Variants in EPS8L2 observed in about 807,000 individuals in gnomAD.
The protein encoded by EPS8L2 is EPS8 signaling adaptor L2.
In EPS8L2, 81 loss-of-function variants were observed where a neutral mutation model predicts 99.4. The ratio of observed to expected loss-of-function variants is 0.82; its 90% confidence interval spans 0.68 to 0.98. The LOEUF is 0.98. Ranked by LOEUF, EPS8L2 falls within the 50% of genes least tolerant of loss-of-function variation. The probability of loss-of-function intolerance (pLI) is 0.00; values close to 1 mark genes in which losing one functional copy is unlikely to be tolerated. For synonymous variants in EPS8L2, 509 were observed against 407.3 expected, an observed-to-expected ratio of 1.25 and a Z score of -3.01; for missense variants, 1,155 against 968.8, an observed-to-expected ratio of 1.19 and a Z score of -2.55.
chr11:711,617 T>C (rs1861892401), intron 4 of EPS8L2, among the ~76,000 whole-genome samples: 1 of 152,070 alleles, frequency 6.6e-6, no homozygotes, highest in African/African-American at 2.4e-5. Flanking sequence ...GGCCTGGTAG[T>C]GTGAGCTCGT....
intron 12 of EPS8L2, 47 bp from the exon 13 acceptor site, chr11:722,354 C>T: frequency 1.3e-6 from 2 of 1,598,612 alleles, no homozygotes; most frequent in Non-Finnish European, 8.5e-7. Flanking sequence ...GGGTGCTGGG[C>T]CAGGGTCTGT....
chr11:710,143 C>A lies in EPS8L2; in HGVS notation c.101-279C>A, dbSNP rs1449237881. ...CTTCCTGTCCCCTCACCCTCCGGGA[C>A]AGAAACCCCCCGGGCACAGGCTGCT... On this transcript the variant is annotated intron_variant, in intron 3 of 20. Coordinates refer to ENST00000318562, the MANE Select transcript of EPS8L2 (RefSeq NM_022772.4). 4.6e-5 allele frequency: 21 copies of A among 458,446 alleles called. No homozygotes were observed. In the East Asian group the frequency reaches 8.0e-4, roughly 17 times the overall value. 28.4% of individuals were successfully genotyped at this position (458,446 alleles called of 1,614,324 possible). A position where few individuals can be genotyped will look rare whatever the true frequency, so the allele number is the denominator to read the frequency against.
At chr11:715,084 T>C (rs1861986067) in intron 4 of EPS8L2, among the ~76,000 whole-genome samples, 1 of 151,956 alleles carries the variant, frequency 6.6e-6, no homozygotes, top group Non-Finnish European at 1.5e-5. Flanking sequence ...CTACTAAAAA[T>C]ACAAAAAATT....
rs1163965609 is a variant in EPS8L2, at chr11:709,778, A to G, written c.100+170A>G. 27 of 679,152 alleles carry G rather than the reference A, an allele frequency of 4.0e-5. No individual in the cohort carries two copies. The South Asian group carries it at 4.5e-4, about 11-fold the overall frequency. The allele number at this position is 679,152 out of a possible 1,614,324, so 42.1% of individuals were successfully genotyped here. On this transcript the variant is annotated intron_variant, in intron 3 of 20. Transcript: ENST00000318562. Reference sequence around the variant, plus strand: ...ATCAACCTTCCGAAAGCTCCTGGCCACTGGATCCCCTCCCCCACACCCGTA... The same window carrying G: ...ATCAACCTTCCGAAAGCTCCTGGCCGCTGGATCCCCTCCCCCACACCCGTA...
chr11:723,207 C>A, intron 14 of EPS8L2, 34 bp from the exon 15 acceptor site: 2 of 1,237,012 alleles, frequency 1.6e-6, no homozygotes, highest in South Asian at 1.3e-5. Context: ...AGCCCCGCCC[C>A]ATGTCTAACT....
At chr11:719,982 C>T in intron 4 of EPS8L2, 80 bp from the exon 5 acceptor site, 2 of 1,457,206 alleles carry the variant, frequency 1.4e-6, no homozygotes, top group Non-Finnish European at 1.8e-6. Flanking sequence ...CCCCTCAGCC[C>T]CTCAGGCTGT....
intron 4 of EPS8L2, among the ~76,000 whole-genome samples, chr11:714,592 C>CATTTT (rs71464111): frequency 0.31 from 45,619 of 145,446 alleles, 7,419 homozygotes; most frequent in Admixed American, 0.41. Context: ...GGCCAGGATC[C>CATTTT]ATTTTATTTT....
Position 722,787 on chromosome 11 carries a change from G to A in EPS8L2, c.1323G>A (p.Ala441=), listed in dbSNP as rs769387518. ...QEAPWEVEGL[A]SAPIEEVSPV... is the part of the protein sequence containing the mutation. ...CCCCCTGGGAGGTGGAGGGGCTGGCGTCTGCCCCCATCGAGGAGGTGAGAG... is the reference window on the plus strand; with the variant it reads ...CCCCCTGGGAGGTGGAGGGGCTGGCATCTGCCCCCATCGAGGAGGTGAGAG... The change falls in exon 14 of 21, where the codon GCG becomes GCA. Residue 441 remains alanine, a synonymous_variant. Coordinates refer to ENST00000318562, the MANE Select transcript of EPS8L2 (RefSeq NM_022772.4). 35 of 1,588,006 alleles carry A rather than the reference G, an allele frequency of 2.2e-5. No individual in the cohort carries two copies. Among genetic ancestry groups the A allele is most frequent in the African/African-American group, 6.7e-5 (5 of 74,350 alleles).
At chr11:715,046 T>G (rs1049090406) in intron 4 of EPS8L2, among the ~76,000 whole-genome samples, 1 of 152,016 alleles carries the variant, frequency 6.6e-6, no homozygotes, top group Non-Finnish European at 1.5e-5. Context: ...ATCAAGACCA[T>G]TCTGGCTAAC....
intron 9 of EPS8L2, 67 bp from the exon 10 acceptor site, chr11:721,498 T>A: frequency 6.6e-7 from 1 of 1,514,576 alleles, no homozygotes; most frequent in Non-Finnish European, 8.8e-7. Context: ...TCTGTGGGGC[T>A]GTCCCTGCAG....
chr11:726,439 C>T lies in EPS8L2; in HGVS notation c.1889C>T (p.Pro630Leu). Residue 630 changes from proline to leucine, a missense_variant, in exon 19 of 21, where the codon CCG (proline) becomes CTG (leucine). Transcript: ENST00000318562. ...CAGCCGCTCACCTACGAGTCGGGTC[C>T]GGACGAGGTCCGCGCCTGGCTGGAA... ...VSQPLTYESG[P>L]DEVRAWLEAK... The T allele has an allele frequency of 1.3e-6, 2 of 1,592,398 alleles. No homozygotes were observed. The highest frequency in any genetic ancestry group is 1.7e-6 in the Non-Finnish European group (2 of 1,171,052).
chr11:718,125 T>A (rs1397162002), intron 4 of EPS8L2, among the ~76,000 whole-genome samples: 1 of 152,124 alleles, frequency 6.6e-6, no homozygotes, highest in African/African-American at 2.4e-5. Flanking sequence ...CTGAAGTCAG[T>A]AGTTTGAGAC....
rs751161414 is a variant in EPS8L2, at chr11:726,432, T to TCGGGTCCGGACGAGGTC, written c.1885_1901dup (p.Ala635ValfsTer25). 3.8e-6 allele frequency: 6 copies of TCGGGTCCGGACGAGGTC among 1,597,380 alleles called. No individual in the cohort carries two copies. On this transcript the variant is annotated frameshift_variant, in exon 19 of 21. Coordinates refer to ENST00000318562, the MANE Select transcript of EPS8L2 (RefSeq NM_022772.4). LOFTEE classifies it high-confidence loss of function. ...CGTGAGCCAGCCGCTCACCTACGAG[T>TCGGGTCCGGACGAGGTC]CGGGTCCGGACGAGGTCCGCGCCTG...
chr11:726,329 C>T lies in EPS8L2; in HGVS notation c.1779C>T (p.Val593=). ...AGCTCATGCAGCACATGGACGAGGT[C>T]AACGACGAGCTCATCCGGAAAATCA... ...KDELMQHMDE[V]NDELIRKISN... Residue 593 remains valine (V), a synonymous_variant, in exon 19 of 21, where the codon GTC becomes GTT. Coordinates refer to ENST00000318562, the MANE Select transcript of EPS8L2 (RefSeq NM_022772.4). The T allele has an allele frequency of 3.1e-6, 5 of 1,610,234 alleles. No homozygotes were observed. Among genetic ancestry groups the T allele is most frequent in the Non-Finnish European group, 4.2e-6 (5 of 1,178,990 alleles).
At position 725,713 on chromosome 11, in the gene EPS8L2, C is replaced by T. The variant is rs1437661269; in HGVS notation, c.1561-15C>T. 14 of 1,313,752 alleles carry T rather than the reference C, an allele frequency of 1.1e-5. No individual in the cohort carries two copies. The highest frequency in any genetic ancestry group is 1.3e-5 in the Non-Finnish European group (13 of 1,033,582). 81.4% of individuals were successfully genotyped at this position (1,313,752 alleles called of 1,614,324 possible). A position where few individuals can be genotyped will look rare whatever the true frequency, so the allele number is the denominator to read the frequency against. On this transcript the variant is annotated splice_polypyrimidine_tract_variant and intron_variant, in intron 16 of 20. Transcript: ENST00000318562. ...GAGCCTGGGTGTGGGGAGGGGCTGACGGCGCGCCCCGCAGGTGCTGGAGGA... is the reference window on the plus strand; with the variant it reads ...GAGCCTGGGTGTGGGGAGGGGCTGATGGCGCGCCCCGCAGGTGCTGGAGGA...
In EPS8L2 at chr11:719,690, C is replaced by T. The variant is rs559226290; in HGVS notation, c.166-372C>T. 4.6e-5 allele frequency among the ~76,000 whole-genome samples: 7 copies of T among 152,308 alleles called. No homozygotes were observed. In the South Asian group the frequency reaches 1.2e-3, roughly 27 times the overall value. The stretch of plus-strand genomic sequence containing the variant: ...ATTAGGGCAGGTCGGGATGGGGTGA[C>T]GGCTGGCATTGTAGCCAGGTGGCCA... On this transcript the variant is annotated intron_variant, in intron 4 of 20. Coordinates refer to ENST00000318562, the MANE Select transcript of EPS8L2 (RefSeq NM_022772.4).
rs554029920 is a variant in EPS8L2 at position 720,767 on chromosome 11, G to A, written c.477+21G>A. On this transcript the variant is annotated intron_variant, in intron 6 of 20. Coordinates refer to ENST00000318562, the MANE Select transcript of EPS8L2 (RefSeq NM_022772.4). ...TGGAGGTGAGGCGGTGCCGGGCGGG[G>A]CAGGGTGGGGCCCCGCCGCGCCGCG... is the stretch of plus-strand genomic sequence containing the variant. The A allele has an allele frequency of 3.7e-5, 57 of 1,538,540 alleles. No homozygotes were observed. The East Asian group carries it at 1.2e-3, about 32-fold the overall frequency.
intron 4 of EPS8L2, among the ~76,000 whole-genome samples, chr11:715,574 C>T (rs1229372434): frequency 6.6e-6 from 1 of 151,606 alleles, no homozygotes; most frequent in Non-Finnish European, 1.5e-5. Context: ...TTCTACCTTC[C>T]ACTTACTGTG....
intron 4 of EPS8L2, among the ~76,000 whole-genome samples, chr11:718,286 TCA>T (rs1293955924): frequency 1.3e-5 from 2 of 151,898 alleles, no homozygotes; most frequent in Non-Finnish European, 2.9e-5. Flanking sequence ...TGAGCCAAGA[TCA>T]CACCACTGCA....
Sources: gnomAD v4.1 joint callset for allele counts (sites outside exome capture counted in the v4.1 genomes callset) on GRCh38, gnomAD v4.1.1 for gene constraint, MANE v1.5 for transcripts, NCBI Gene and HGNC (gene_info 2026-07-23, HGNC 2026-07-21) for gene names.